PCDH15: variants seen among roughly 807,000 people sequenced by gnomAD.
PCDH15 encodes the protein protocadherin-15.
Under a neutral mutation model 178.5 loss-of-function variants are expected in PCDH15, and 129 were observed. The ratio of observed to expected loss-of-function variants is 0.72; its 90% CI spans 0.63 to 0.84. The LOEUF (loss-of-function observed/expected upper bound fraction) is 0.84, where lower values mean the gene tolerates loss of function less well. Ranked by LOEUF, PCDH15 falls within the 40% of genes least tolerant of loss-of-function variation. The probability of loss-of-function intolerance (pLI) is 0.00; values close to 1 mark genes in which losing one functional copy is unlikely to be tolerated. For synonymous variants in PCDH15, 800 were observed against 732.0 expected (o/e 1.09, Z -1.50); for missense variants, 2,230 against 2,099.9 (o/e 1.06, Z -1.21).
intron 29 of PCDH15, 25 bp from the exon 30 acceptor site, chr10:53,831,558 A>G: frequency 6.8e-7 from 1 of 1,462,324 alleles, no homozygotes; most frequent in Non-Finnish European, 9.6e-7. Flanking sequence ...AAATAGTAAA[A>G]TTAATGATGC....
chr10:55,299,218 T>C (rs561180096), intron 1 of PCDH15, among the ~76,000 whole-genome samples: 4 of 152,278 alleles, frequency 2.6e-5, no homozygotes, highest in Non-Finnish European at 4.4e-5. Flanking sequence ...CTGTGGTAAC[T>C]TTCTCAACTC....
At chr10:55,404,264 A>C (rs540921324) in intron 2 of PCDH15, among the ~76,000 whole-genome samples, 1 of 152,148 alleles carries the variant, frequency 6.6e-6, no homozygotes, top group South Asian at 2.1e-4. Context: ...CCAAACCAGC[A>C]TAGCAACCCA....
intron 2 of PCDH15, among the ~76,000 whole-genome samples, chr10:54,997,795 T>TA (rs1006159210): frequency 1.1e-4 from 16 of 152,010 alleles, no homozygotes; most frequent in Middle Eastern, 3.4e-3. Context: ...GATAAACTGC[T>TA]AAAAAAAATG....
At chr10:54,416,780 G>A (rs10763110) in intron 3 of PCDH15, among the ~76,000 whole-genome samples, 120,710 of 151,938 alleles carry the variant, frequency 0.79, 48,729 homozygotes, top group East Asian at 0.97. Flanking sequence ...CAGTCTCACA[G>A]GCACCTATTG....
intron 32 of PCDH15, 98 bp downstream of exon 32, chr10:53,827,295 C>T (rs2076742990): frequency 1.4e-5 from 19 of 1,393,992 alleles, no homozygotes; most frequent in Middle Eastern, 3.8e-4. Flanking sequence ...ATAAATAGTC[C>T]ATGTAGGCAT....
At chr10:55,031,560 T>C (rs1460847192) in intron 2 of PCDH15, among the ~76,000 whole-genome samples, 1 of 152,146 alleles carries the variant, frequency 6.6e-6, no homozygotes, top group Non-Finnish European at 1.5e-5. Flanking sequence ...GGGCTTGGTG[T>C]CAGATTCAGG....
intron 1 of PCDH15, among the ~76,000 whole-genome samples, chr10:54,757,901 T>G (rs1247839899): frequency 1.3e-5 from 2 of 152,224 alleles, no homozygotes; most frequent in South Asian, 4.1e-4. Flanking sequence ...AACAGATTCC[T>G]CAGGAGGTCT....
At chr10:54,817,536 C>T (rs1209712446) in intron 3 of PCDH15, among the ~76,000 whole-genome samples, 3 of 152,006 alleles carry the variant, frequency 2.0e-5, no homozygotes, top group African/African-American at 7.2e-5. Flanking sequence ...CCTCGCCCAT[C>T]ACCTCAACAT....
At chr10:54,911,698 T>A (rs1335996126) in intron 2 of PCDH15, among the ~76,000 whole-genome samples, 1 of 152,122 alleles carries the variant, frequency 6.6e-6, no homozygotes, top group East Asian at 1.9e-4. Flanking sequence ...TTGGGGTCGG[T>A]TTCTTCCATG....
intron 13 of PCDH15, among the ~76,000 whole-genome samples, chr10:54,162,204 G>A (rs2045783930): frequency 6.6e-6 from 1 of 151,702 alleles, no homozygotes; most frequent in African/African-American, 2.4e-5. Flanking sequence ...GCCTTCTTAT[G>A]CACCTCACAA....
rs753559183 is a variant in PCDH15 at position 53,807,137 on chromosome 10, A to G, written c.4672-7T>C. On this transcript the variant is annotated splice_polypyrimidine_tract_variant and splice_region_variant and intron_variant, in intron 37 of 37. Transcript: ENST00000644397. ...TCATTCTTTTTCTTGCCCACTGATAAAATAAACAAAAATATGTGAGTCACT... is the reference window on the plus strand; with the variant it reads ...TCATTCTTTTTCTTGCCCACTGATAGAATAAACAAAAATATGTGAGTCACT... 1.3e-6 allele frequency: 2 copies of G among 1,567,678 alleles called. No individual in the cohort carries two copies. The highest frequency in any genetic ancestry group is 2.4e-5 in the South Asian group (2 of 84,464).
At chr10:55,566,863 CA>C (rs1842312679) in intron 2 of PCDH15, among the ~76,000 whole-genome samples, 2 of 151,852 alleles carry the variant, frequency 1.3e-5, no homozygotes, top group South Asian at 4.2e-4. Context: ...AGATTCAATG[CA>C]AATCTATAGA....
intron 3 of PCDH15, among the ~76,000 whole-genome samples, chr10:54,496,102 A>T (rs1416304675): frequency 6.6e-6 from 1 of 152,152 alleles, no homozygotes; most frequent in African/African-American, 2.4e-5. Context: ...TTGCCTTGGG[A>T]TGTTTTTTAC....
In PCDH15 at chr10:54,235,393, G is replaced by T. The variant is rs142422777; in HGVS notation, c.985+1430C>A. Among the ~76,000 whole-genome samples the T allele has an allele frequency of 3.1e-3, 478 of 152,288 alleles. 3 individuals carry two copies. Among genetic ancestry groups the T allele is most frequent in the African/African-American group, 0.011 (441 of 41,554 alleles). On this transcript the variant is annotated intron_variant, in intron 9 of 37. Coordinates refer to ENST00000644397, the MANE Select transcript of PCDH15 (RefSeq NM_001384140.1). Reference sequence around the variant, plus strand: ...AAGAATGCACATAACTTTTAAAAGTGAAATAAACTTGAACACCAATGCATC... The same window carrying T: ...AAGAATGCACATAACTTTTAAAAGTTAAATAAACTTGAACACCAATGCATC...
At chr10:55,040,757 A>G (rs1225508076) in intron 2 of PCDH15, among the ~76,000 whole-genome samples, 1 of 152,100 alleles carries the variant, frequency 6.6e-6, no homozygotes, top group Non-Finnish European at 1.5e-5. Flanking sequence ...TCTAAATATC[A>G]ATATATAATA....
At chr10:54,591,239 T>G (rs1238629222) in intron 2 of PCDH15, among the ~76,000 whole-genome samples, 1 of 152,144 alleles carries the variant, frequency 6.6e-6, no homozygotes. Context: ...TGTTTAAAGT[T>G]AAGAACCTCC....
chr10:55,431,588 T>C (rs536251294), intron 2 of PCDH15, among the ~76,000 whole-genome samples: 5 of 152,276 alleles, frequency 3.3e-5, no homozygotes, highest in Admixed American at 6.5e-5. Context: ...AATCTAAGTA[T>C]TTTCAAAATA....
intron 1 of PCDH15, among the ~76,000 whole-genome samples, chr10:55,172,623 G>T (rs1227053200): frequency 6.6e-6 from 1 of 151,802 alleles, no homozygotes; most frequent in Non-Finnish European, 1.5e-5. Flanking sequence ...AATTATTTTT[G>T]GCATACTTCA....
chr10:54,246,919 C>A (rs1339401777), intron 8 of PCDH15, among the ~76,000 whole-genome samples: 1 of 151,830 alleles, frequency 6.6e-6, no homozygotes, highest in Non-Finnish European at 1.5e-5. Flanking sequence ...TGGGGTTGAA[C>A]AACTGTTTGA....
Sources: gnomAD v4.1 joint callset for allele counts (sites outside exome capture counted in the v4.1 genomes callset) on GRCh38, gnomAD v4.1.1 for gene constraint, MANE v1.5 for transcripts, NCBI Gene and HGNC (gene_info 2026-07-23, HGNC 2026-07-21) for gene names.